Variants in KHSRP observed in about 807,000 individuals in gnomAD.
KHSRP encodes the protein KH-type splicing regulatory protein, also known as far upstream element-binding protein 2.
In KHSRP, 13 loss-of-function variants were observed where a neutral mutation model predicts 94.9. That is an observed-to-expected ratio of 0.14 (90% CI 0.09 to 0.22). KHSRP has a LOEUF of 0.22. Among genes scored for constraint, KHSRP ranks in the 10% least tolerant of loss-of-function variants. The pLI is 1.00. For missense variants in KHSRP, 710 were observed against 1,010.0 expected (o/e 0.70, Z 4.03); for synonymous variants, 495 against 401.4 (o/e 1.23, Z -2.79).
Position 6,417,056 on chromosome 19 carries a change from A to G in KHSRP, c.1113T>C (p.His371=), listed in dbSNP as rs2092152708. The G allele has an allele frequency of 6.2e-7, 1 of 1,613,016 alleles. No homozygotes were observed. Among genetic ancestry groups the G allele is most frequent in the Admixed American group, 1.7e-5 (1 of 59,988 alleles). The change falls in exon 12 of 19, where the codon CAT becomes CAC. Residue 371 remains histidine, a synonymous_variant. Coordinates refer to ENST00000600480, the MANE Select transcript of KHSRP (RefSeq NM_001366299.1). The stretch of plus-strand genomic sequence containing the variant: ...CGCACCTGTCTGGGGGCCCCATTAT[A>G]TGAGCAATCTTCTCGGGCCCTGTCC... ...DDGTGPEKIA[H]IMGPPDRCEH...
chr19:6,419,749 C>T (rs963222777), intron 6 of KHSRP, among the ~76,000 whole-genome samples: 4 of 152,222 alleles, frequency 2.6e-5, no homozygotes, highest in African/African-American at 9.7e-5. Flanking sequence ...CCCTGTCTCA[C>T]GCAGTCTTGC....
At position 6,414,080 on chromosome 19, in the gene KHSRP, T is replaced by C; in HGVS notation, c.*944A>G. On this transcript the variant is annotated 3_prime_UTR_variant, in exon 19 of 19. Transcript: ENST00000600480. ...AACAAAATGGAAAAAAAAAAGATTT[T>C]TCACAGATGAAGAAGTTCACATTCA... The C allele has an allele frequency of 6.2e-7, 1 of 1,604,716 alleles. No homozygotes were observed. Among genetic ancestry groups the C allele is most frequent in the Non-Finnish European group, 8.5e-7 (1 of 1,176,338 alleles).
chr19:6,423,844 G>A (rs1396515053), intron 1 of KHSRP, among the ~76,000 whole-genome samples: 1 of 152,204 alleles, frequency 6.6e-6, no homozygotes, highest in Non-Finnish European at 1.5e-5. Context: ...ATACACGGGG[G>A]TGGGAGACCC....
chr19:6,417,163 C>T lies in KHSRP; in HGVS notation c.1082-76G>A, dbSNP rs1298337463. 4.4e-5 allele frequency: 50 copies of T among 1,129,594 alleles called. No individual in the cohort carries two copies. The South Asian group carries it at 6.7e-4, about 15-fold the overall frequency. 70.0% of individuals were successfully genotyped at this position (1,129,594 alleles called of 1,614,324 possible). On this transcript the variant is annotated intron_variant, in intron 11 of 18. Transcript: ENST00000600480. ...CCCCAGAGCCCTGCAACGCCGCCTCCAGCGCAGACACCACGCCGGCCTGAG... is the reference window on the plus strand; with the variant it reads ...CCCCAGAGCCCTGCAACGCCGCCTCTAGCGCAGACACCACGCCGGCCTGAG...
Position 6,415,580 on chromosome 19 carries a change from G to T in KHSRP, c.1842C>A (p.Gly614=). Residue 614 remains glycine, a synonymous_variant, in exon 17 of 19, where the codon GGC becomes GGA. Transcript: ENST00000600480. Reference sequence around the variant, plus strand: ...CCCAGGCCTTAGTGTAGTCCGACTGGCCGGTGGGTGGGGGCTGAGGGGGCT... The same window carrying T: ...CCCAGGCCTTAGTGTAGTCCGACTGTCCGGTGGGTGGGGGCTGAGGGGGCT... The part of the protein sequence containing the change: ...QGEPPQPPPT[G]QSDYTKAWEE... The T allele has an allele frequency of 6.6e-7, 1 of 1,518,520 alleles. No individual in the cohort carries two copies. Among genetic ancestry groups the T allele is most frequent in the Non-Finnish European group, 8.8e-7 (1 of 1,132,330 alleles). The allele number at this position is 1,518,520 out of a possible 1,614,324, so 94.1% of individuals were successfully genotyped here.
intron 3 of KHSRP, 88 bp from the exon 4 acceptor site, chr19:6,421,405 C>T (rs1442905295): frequency 1.4e-6 from 2 of 1,381,268 alleles, no homozygotes; most frequent in African/African-American, 2.9e-5. Context: ...GGAGCTGAGC[C>T]CGGCACCACG....
chr19:6,416,751 C>T lies in KHSRP; in HGVS notation c.1314G>A (p.Leu438=). 1.3e-6 allele frequency: 2 copies of T among 1,598,784 alleles called. No homozygotes were observed. The highest frequency in any genetic ancestry group is 1.7e-6 in the Non-Finnish European group (2 of 1,171,018). The change falls in exon 13 of 19, where the codon CTG becomes CTA. Residue 438 remains leucine, a synonymous_variant. Transcript: ENST00000600480. The part of the protein sequence containing the change: ...TFSIPTHKCG[L]VIGRGGENVK... ...GGCCACACTCACCTCGGCCGATGAC[C>T]AGCCCACACTTGTGAGTGGGGATGG... is the stretch of plus-strand genomic sequence containing the variant.
Position 6,418,711 on chromosome 19 carries a change from C to A in KHSRP, c.771G>T (p.Lys257Asn). The change falls in exon 8 of 19, where the codon AAG becomes AAT. Residue 257 changes from lysine (K) to asparagine (N), a missense_variant. This residue lies in a region of KHSRP where 288 missense variants were observed against 501.1 expected (regional missense o/e 0.57). Coordinates refer to ENST00000600480, the MANE Select transcript of KHSRP (RefSeq NM_001366299.1). The surrounding 1 kb of genome is among the most constrained non-coding windows in gnomAD (Gnocchi z 4.3). ...LVIGKGGETI[K>N]QLQERAGVKM... The stretch of plus-strand genomic sequence containing the variant: ...CAGGTGCTGCCCTCACCTGCAGCTG[C>A]TTAATGGTCTCCCCGCCCTTGCCAA... 6.2e-7 allele frequency: 1 copy of A among 1,613,864 alleles called. No homozygotes were observed. The highest frequency in any genetic ancestry group is 8.5e-7 in the Non-Finnish European group (1 of 1,179,866).
rs1056857467 is a variant in KHSRP, at chr19:6,414,983, A to G, written c.*41T>C. Reference sequence around the variant, plus strand: ...AATGCTTCCCTGGCGGTGCGTGGGGACTCCCGGAGACCTCCGGCCACACGG... The same window carrying G: ...AATGCTTCCCTGGCGGTGCGTGGGGGCTCCCGGAGACCTCCGGCCACACGG... On this transcript the variant is annotated 3_prime_UTR_variant, in exon 19 of 19. Coordinates refer to ENST00000600480, the MANE Select transcript of KHSRP (RefSeq NM_001366299.1). 2 of 1,438,294 alleles carry G rather than the reference A, an allele frequency of 1.4e-6. No individual in the cohort carries two copies. The highest frequency in any genetic ancestry group is 2.9e-5 in the African/African-American group (2 of 69,604). 89.1% of individuals were successfully genotyped at this position (1,438,294 alleles called of 1,614,324 possible).
Position 6,422,331 on chromosome 19 carries a change from G to A in KHSRP, c.346+9C>T, listed in dbSNP as rs1208297841. ...TCCTCCTAAGCTAAAGGCAGCAGCA[G>A]GGAGTTACCTCCATCTTCCAACTGT... On this transcript the variant is annotated intron_variant, in intron 2 of 18. Coordinates refer to ENST00000600480, the MANE Select transcript of KHSRP (RefSeq NM_001366299.1). The A allele has an allele frequency of 3.1e-6, 5 of 1,595,278 alleles. No individual in the cohort carries two copies. In the East Asian group the frequency reaches 6.7e-5, roughly 21 times the overall value.
Position 6,418,741 on chromosome 19 carries a change from C to T in KHSRP, c.741G>A (p.Leu247=). The change falls in exon 8 of 19, where the codon CTG becomes CTA. Residue 247 remains leucine (L), a synonymous_variant. Transcript: ENST00000600480. The surrounding 1 kb of genome is among the most constrained non-coding windows in gnomAD (Gnocchi z 4.3). ...TGGTCTCCCCGCCCTTGCCAATGAC[C>T]AGGCCGGCCTTGCCCGCGGGGATCA... The part of the protein sequence containing the change: ...EIMIPAGKAG[L]VIGKGGETIK... 1.9e-6 allele frequency: 3 copies of T among 1,613,516 alleles called. No homozygotes were observed. Among genetic ancestry groups the T allele is most frequent in the Non-Finnish European group, 2.5e-6 (3 of 1,179,736 alleles).
Position 6,418,942 on chromosome 19 carries a change from C to T in KHSRP, c.606-66G>A, listed in dbSNP as rs2092175824. The stretch of plus-strand genomic sequence containing the variant: ...TGGAGAAAGGTACTGGTCTGGTGGC[C>T]CACCCAGCTCAAAGGGAAGGCGACC... On this transcript the variant is annotated intron_variant, in intron 7 of 18. Coordinates refer to ENST00000600480, the MANE Select transcript of KHSRP (RefSeq NM_001366299.1). The surrounding 1 kb of genome is among the most constrained non-coding windows in gnomAD (Gnocchi z 4.3). 4.1e-6 allele frequency: 6 copies of T among 1,451,392 alleles called. No individual in the cohort carries two copies. Among genetic ancestry groups the T allele is most frequent in the Non-Finnish European group, 5.5e-6 (6 of 1,099,424 alleles). The allele number at this position is 1,451,392 out of a possible 1,614,324, so 89.9% of individuals were successfully genotyped here. A position where few individuals can be genotyped will look rare whatever the true frequency, so the allele number is the denominator to read the frequency against.
intron 1 of KHSRP, among the ~76,000 whole-genome samples, chr19:6,423,943 C>T (rs546451629): frequency 6.6e-6 from 1 of 152,340 alleles, no homozygotes; most frequent in South Asian, 2.1e-4. Context: ...CCCCATTTCG[C>T]CCAAGTGCTC....
rs1188843369 is a variant in KHSRP at position 6,413,529 on chromosome 19, C to T, written c.*1495G>A. 7 of 138,864 alleles carry T rather than the reference C, an allele frequency of 5.0e-5. No individual in the cohort carries two copies. The highest frequency in any genetic ancestry group is 2.2e-4 in the African/African-American group (5 of 22,668). 8.6% of individuals were successfully genotyped at this position (138,864 alleles called of 1,614,324 possible). ...CGGGGCCGCGGGAGCTGAGCCAGGGCGGGAGGGAGAGAAGAGGGGGCTTGG... is the reference window on the plus strand; with the variant it reads ...CGGGGCCGCGGGAGCTGAGCCAGGGTGGGAGGGAGAGAAGAGGGGGCTTGG... On this transcript the variant is annotated 3_prime_UTR_variant, in exon 19 of 19. Coordinates refer to ENST00000600480, the MANE Select transcript of KHSRP (RefSeq NM_001366299.1).
At chr19:6,422,882 C>T (rs1189643761) in intron 1 of KHSRP, among the ~76,000 whole-genome samples, 1 of 152,080 alleles carries the variant, frequency 6.6e-6, no homozygotes, top group African/African-American at 2.4e-5. Flanking sequence ...TTCAATTTTC[C>T]CCTATCTCCC....
chr19:6,423,622 G>A (rs144941197), intron 1 of KHSRP, among the ~76,000 whole-genome samples: 1,574 of 152,294 alleles, frequency 0.01, 15 homozygotes, highest in South Asian at 0.03. Context: ...GACGACAGAG[G>A]GCCAGAACAC....
At position 6,416,666 on chromosome 19, in the gene KHSRP, A is replaced by C. The variant is rs778983369; in HGVS notation, c.1328-16T>G. On this transcript the variant is annotated splice_polypyrimidine_tract_variant and intron_variant, in intron 13 of 18. Transcript: ENST00000600480. The stretch of plus-strand genomic sequence containing the variant: ...TTCTCGCCACCTGCAGAAACGCAGA[A>C]GGTGAAGGTGGCCTGCAGTGATGGC... 13 of 1,613,658 alleles carry C rather than the reference A, an allele frequency of 8.1e-6. No homozygotes were observed. In the Admixed American group the frequency reaches 1.5e-4, roughly 19 times the overall value.
rs1356625248 is a variant in KHSRP at position 6,414,887 on chromosome 19, TCACGACAGCGG to T, written c.*126_*136del. Reference sequence around the variant, plus strand: ...CTGCGAGTCTCAGCGCTCCCCAGCATCACGACAGCGGCACACAGGAACAAGCAGCCGGCGCA... The same window carrying T: ...CTGCGAGTCTCAGCGCTCCCCAGCATCACACAGGAACAAGCAGCCGGCGCA... On this transcript the variant is annotated 3_prime_UTR_variant, in exon 19 of 19. Transcript: ENST00000600480. 1 of 1,359,664 alleles carries T rather than the reference TCACGACAGCGG, an allele frequency of 7.4e-7. No homozygotes were observed. Among genetic ancestry groups the T allele is most frequent in the Non-Finnish European group, 9.4e-7 (1 of 1,059,924 alleles). 84.2% of individuals were successfully genotyped at this position (1,359,664 alleles called of 1,614,324 possible). A position where few individuals can be genotyped will look rare whatever the true frequency, so the allele number is the denominator to read the frequency against.
intron 6 of KHSRP, among the ~76,000 whole-genome samples, chr19:6,419,564 A>G (rs1394551453): frequency 1.3e-5 from 2 of 152,228 alleles, no homozygotes; most frequent in Non-Finnish European, 1.5e-5. Context: ...GCTTCTATAG[A>G]CAACACGTGC....
Sources: allele counts gnomAD v4.1 joint callset (sites outside exome capture counted in the v4.1 genomes callset), GRCh38; gene constraint gnomAD v4.1.1; regional missense constraint gnomAD v4.1.1; non-coding constraint Gnocchi (gnomAD v3.1); transcripts MANE v1.5; gene names NCBI Gene and HGNC (gene_info 2026-07-23, HGNC 2026-07-21).